Variants in TLN2 observed in about 807,000 individuals in gnomAD.
TLN2 encodes talin-2.
A neutral mutation model predicts 294.7 loss-of-function variants in TLN2; 118 were observed. The observed-to-expected ratio is 0.40, with a 90% CI of 0.34 to 0.47. TLN2 has a LOEUF of 0.47. Among genes scored for constraint, TLN2 ranks in the 20% least tolerant of loss-of-function variants. TLN2 has a pLI of 0.84. For missense variants in TLN2, 3,083 were observed against 3,282.2 expected (o/e 0.94, Z 1.48); for synonymous variants, 1,431 against 1,304.5 (o/e 1.10, Z -2.09).
At position 62,701,542 on chromosome 15, in the gene TLN2, G is replaced by A. The variant is rs1043446643; in HGVS notation, c.1696+328G>A. ...TTCTGGGCACCTACAGTTGGAAAAT[G>A]GTTTTGAATGAACAGACCTGTCATA... On this transcript the variant is annotated intron_variant, in intron 17 of 58. Coordinates refer to ENST00000636159, the MANE Select transcript of TLN2 (RefSeq NM_015059.3). Among the ~76,000 whole-genome samples the A allele has an allele frequency of 5.3e-5, 8 of 152,162 alleles. No individual in the cohort carries two copies. The South Asian group carries it at 1.7e-3, about 32-fold the overall frequency.
chr15:62,444,005 G>A (rs970020818), intron 1 of TLN2, among the ~76,000 whole-genome samples: 7 of 152,162 alleles, frequency 4.6e-5, no homozygotes, highest in Non-Finnish European at 1.0e-4. Flanking sequence ...ATAAAGGGGA[G>A]AATCTGTTTT....
intron 54 of TLN2, among the ~76,000 whole-genome samples, chr15:62,826,527 G>A (rs974833055): frequency 2.6e-5 from 4 of 152,148 alleles, no homozygotes; most frequent in Admixed American, 6.5e-5. Context: ...AGTTGTTCTG[G>A]GAGGTGTACC....
intron 1 of TLN2, among the ~76,000 whole-genome samples, chr15:62,419,795 C>G (rs2034290375): frequency 6.6e-6 from 1 of 152,080 alleles, no homozygotes; most frequent in Non-Finnish European, 1.5e-5. Flanking sequence ...CCCCACCAGA[C>G]CTGGCTAATT....
chr15:62,764,491 C>T (rs1013849920), intron 40 of TLN2, among the ~76,000 whole-genome samples: 3 of 152,162 alleles, frequency 2.0e-5, no homozygotes, highest in African/African-American at 7.2e-5. Flanking sequence ...CACCTTCACC[C>T]TCCTATTTCC....
intron 1 of TLN2, among the ~76,000 whole-genome samples, chr15:62,454,154 T>A (rs186759463): frequency 4.2e-4 from 64 of 152,308 alleles, no homozygotes; most frequent in African/African-American, 1.5e-3. Flanking sequence ...CATTTTGGCC[T>A]TTTTCTTCCC....
chr15:62,795,933 C>T (rs578173219), intron 46 of TLN2, among the ~76,000 whole-genome samples, 194 bp from the exon 47 acceptor site: 8 of 152,282 alleles, frequency 5.3e-5, no homozygotes, highest in African/African-American at 1.9e-4. Context: ...AGAGGTAAAG[C>T]AGCTTTGCCT....
chr15:62,780,574 C>T (rs1367580874), intron 43 of TLN2, among the ~76,000 whole-genome samples: 1 of 152,192 alleles, frequency 6.6e-6, no homozygotes, highest in African/African-American at 2.4e-5. Context: ...GTGATCTTGC[C>T]CTTCTCTCAG....
chr15:62,395,511 A>G (rs1390951648), intron 1 of TLN2, among the ~76,000 whole-genome samples: 3 of 152,170 alleles, frequency 2.0e-5, no homozygotes, highest in Admixed American at 6.5e-5. Flanking sequence ...AATTGCTACA[A>G]CCTTTTGGAA....
chr15:62,460,259 G>GT (rs2036720055), intron 1 of TLN2, among the ~76,000 whole-genome samples: 2 of 147,956 alleles, frequency 1.4e-5, no homozygotes, highest in African/African-American at 5.1e-5. Flanking sequence ...GTAGCCACAT[G>GT]GTTTTTTTTT....
intron 1 of TLN2, among the ~76,000 whole-genome samples, chr15:62,534,160 A>G (rs527627525): frequency 6.6e-6 from 1 of 151,834 alleles, no homozygotes; most frequent in South Asian, 2.1e-4. Context: ...CTCCCCACAT[A>G]CTCACCAAGC....
chr15:62,810,270 AC>A (rs1010667742), intron 52 of TLN2, among the ~76,000 whole-genome samples: 16 of 152,290 alleles, frequency 1.1e-4, no homozygotes, highest in Admixed American at 1.3e-4. Flanking sequence ...TCTCTCATGC[AC>A]CTAAAAGGCA....
At chr15:62,544,964 C>T (rs2041908273) in intron 1 of TLN2, among the ~76,000 whole-genome samples, 1 of 151,846 alleles carries the variant, frequency 6.6e-6, no homozygotes, top group South Asian at 2.1e-4. Context: ...GAGTCTCGCT[C>T]TGTCGCCCAA....
At chr15:62,415,079 T>G (rs2034000506) in intron 1 of TLN2, among the ~76,000 whole-genome samples, 1 of 139,990 alleles carries the variant, frequency 7.1e-6, no homozygotes, top group Non-Finnish European at 1.5e-5. Context: ...CTGCCAATTT[T>G]TGTATTTTTA....
At chr15:62,483,724 C>T (rs1027181845) in intron 1 of TLN2, among the ~76,000 whole-genome samples, 3 of 152,166 alleles carry the variant, frequency 2.0e-5, no homozygotes, top group African/African-American at 7.2e-5. Flanking sequence ...GAGTCTTGGG[C>T]ATGGGTCTTA....
chr15:62,700,277 A>G (rs2058634336), intron 16 of TLN2, among the ~76,000 whole-genome samples: 1 of 152,202 alleles, frequency 6.6e-6, no homozygotes, highest in South Asian at 2.1e-4. Context: ...CATCCTGAAC[A>G]TAGATGAGTA....
chr15:62,831,360 A>C (rs1161922666), intron 54 of TLN2: 2 of 152,082 alleles, frequency 1.3e-5, no homozygotes, highest in Admixed American at 6.6e-5. Flanking sequence ...AGGAGTTTGG[A>C]GTCAAAAATT....
At chr15:62,829,459 A>C (rs1441936514) in intron 54 of TLN2, 1 of 152,122 alleles carries the variant, frequency 6.6e-6, no homozygotes, top group Non-Finnish European at 1.5e-5. Context: ...AGCACAGGAA[A>C]GACCTGCCCC....
intron 11 of TLN2, among the ~76,000 whole-genome samples, chr15:62,677,367 A>C (rs918155431): frequency 1.3e-5 from 2 of 152,258 alleles, no homozygotes; most frequent in African/African-American, 2.4e-5. Context: ...CAGGCTTCAC[A>C]CAGTCAGTTT....
chr15:62,718,577 G>A (rs1017331328), intron 24 of TLN2, among the ~76,000 whole-genome samples: 2 of 152,222 alleles, frequency 1.3e-5, no homozygotes, highest in South Asian at 4.1e-4. Context: ...CCCTACTGCT[G>A]TTGTGGACTG....
Sources: allele counts gnomAD v4.1 joint callset (sites outside exome capture counted in the v4.1 genomes callset), GRCh38; gene constraint gnomAD v4.1.1; transcripts MANE v1.5; gene names NCBI Gene and HGNC (gene_info 2026-07-23, HGNC 2026-07-21).